Variants in TMEM182 observed in about 807,000 individuals in gnomAD.
TMEM182 encodes the protein transmembrane protein 182.
TMEM182 carries 20 observed loss-of-function variants against 26.8 expected under a neutral mutation model. The observed-to-expected ratio is 0.75, with a 90% CI of 0.53 to 1.09. The LOEUF is 1.09. Ranked by LOEUF, TMEM182 falls within the 50% of genes least tolerant of loss-of-function variation. TMEM182 has a pLI of 0.00. For synonymous variants in TMEM182, 109 were observed against 102.2 expected (o/e 1.07, Z -0.40); for missense variants, 277 against 275.5 (o/e 1.01, Z -0.04).
chr2:102,839,093 T>C (rs182622524), intron 3 of TMEM182, among the ~76,000 whole-genome samples: 61 of 152,328 alleles, frequency 4.0e-4, no homozygotes, highest in African/African-American at 1.4e-3. Flanking sequence ...TTGTTTGTCT[T>C]GCTGCCTTCT....
At chr2:102,836,845 A>G (rs1385081124) in intron 3 of TMEM182, among the ~76,000 whole-genome samples, 1 of 152,186 alleles carries the variant, frequency 6.6e-6, no homozygotes, top group Non-Finnish European at 1.5e-5. Flanking sequence ...CCATTAATAG[A>G]AAGCGTTCAG....
At chr2:102,757,822 G>A (rs544062460), upstream of TMEM182, among the ~76,000 whole-genome samples, 1 of 152,178 alleles carries the variant, frequency 6.6e-6, no homozygotes, top group Non-Finnish European at 1.5e-5. Context: ...GGAAGCCTCA[G>A]GAAACTTAGA....
intron 3 of TMEM182, among the ~76,000 whole-genome samples, chr2:102,796,626 T>C (rs2104725580): frequency 6.6e-6 from 1 of 152,350 alleles, no homozygotes; most frequent in Non-Finnish European, 1.5e-5. Context: ...CTGCTGAGCC[T>C]GAATACAACT....
At chr2:102,797,162 C>G (rs1366793112) in intron 3 of TMEM182, among the ~76,000 whole-genome samples, 1 of 152,166 alleles carries the variant, frequency 6.6e-6, no homozygotes, top group Non-Finnish European at 1.5e-5. Flanking sequence ...CTATAGACTC[C>G]TATACTTCTC....
In TMEM182 at chr2:102,739,892, TA is replaced by T. The variant is rs375545974; in HGVS notation, c.-83+2883del. ...ATGCTGCTCGCTGTGTCATGAGTGA[TA>T]AAATCCTTTGTCTCTGATCCAGTCG... is the stretch of plus-strand genomic sequence containing the variant. On this transcript the variant is annotated intron_variant, in intron 1 of 5. Coordinates refer to the TMEM182 transcript ENST00000409173. Among the ~76,000 whole-genome samples the T allele has an allele frequency of 3.5e-3, 526 of 152,300 alleles. 6 individuals carry two copies. The highest frequency in any genetic ancestry group is 0.012 in the African/African-American group (502 of 41,562).
chr2:102,789,960 C>G (rs1435430668), intron 3 of TMEM182, among the ~76,000 whole-genome samples: 1 of 152,138 alleles, frequency 6.6e-6, no homozygotes, highest in African/African-American at 2.4e-5. Context: ...TAGACAAACG[C>G]TGAGACCCAG....
intron 3 of TMEM182, among the ~76,000 whole-genome samples, chr2:102,834,242 A>T (rs1409673088): frequency 6.6e-6 from 1 of 152,210 alleles, no homozygotes; most frequent in Non-Finnish European, 1.5e-5. Flanking sequence ...CCTAACTCTA[A>T]GGCTGAAGGA....
chr2:102,770,395 T>G (rs1170947743), intron 3 of TMEM182, among the ~76,000 whole-genome samples: 2 of 152,164 alleles, frequency 1.3e-5, no homozygotes, highest in African/African-American at 4.8e-5. Context: ...CTATCCTAAA[T>G]CCACCTGACA....
chr2:102,738,323 G>C (rs145632120), intron 1 of TMEM182, among the ~76,000 whole-genome samples: 1 of 152,144 alleles, frequency 6.6e-6, no homozygotes, highest in Non-Finnish European at 1.5e-5. Context: ...GGCCAGGCGC[G>C]GTGGCTCACA....
intron 3 of TMEM182, among the ~76,000 whole-genome samples, chr2:102,764,713 C>T (rs964067791): frequency 9.2e-5 from 14 of 151,976 alleles, no homozygotes; most frequent in South Asian, 2.1e-4. Context: ...TAAGAAGAAC[C>T]GCTTCTTAAG....
intron 2 of TMEM182, 46 bp from the exon 3 acceptor site, chr2:102,764,283 C>T (rs765574682): frequency 6.3e-7 from 1 of 1,580,402 alleles, no homozygotes; most frequent in Non-Finnish European, 8.7e-7. Flanking sequence ...TGAGTCATGA[C>T]TGAGCTTTTC....
chr2:102,779,641 A>T (rs1681073934), intron 3 of TMEM182, among the ~76,000 whole-genome samples: 1 of 151,778 alleles, frequency 6.6e-6, no homozygotes, highest in Non-Finnish European at 1.5e-5. Context: ...CATTTTAGTA[A>T]TTATATCTTC....
intron 3 of TMEM182, among the ~76,000 whole-genome samples, chr2:102,842,342 A>G (rs553037289): frequency 5.1e-4 from 77 of 152,220 alleles, no homozygotes; most frequent in East Asian, 1.4e-3. Context: ...CTTCATCACT[A>G]TCTTCCGTAT....
chr2:102,774,942 ATTTG>A (rs1680847065), intron 3 of TMEM182, among the ~76,000 whole-genome samples: 1 of 152,144 alleles, frequency 6.6e-6, no homozygotes, highest in African/African-American at 2.4e-5. Context: ...AGTCTAGATT[ATTTG>A]TTTAAATATT....
At chr2:102,740,769 T>C (rs1679518699) in intron 1 of TMEM182, among the ~76,000 whole-genome samples, 1 of 152,164 alleles carries the variant, frequency 6.6e-6, no homozygotes, top group East Asian at 1.9e-4. Context: ...TACACAGATA[T>C]CCATACAAGC....
At chr2:102,798,064 A>C in intron 4 of TMEM182, 64 bp downstream of exon 4, 12 of 1,547,378 alleles carry the variant, frequency 7.8e-6, no homozygotes, top group Non-Finnish European at 1.0e-5. Context: ...TCTATTTTTC[A>C]TTTCTATATT....
Position 102,805,601 on chromosome 2 carries a change from G to A in TMEM182, c.469+7601G>A, listed in dbSNP as rs777985159. Among the ~76,000 whole-genome samples, 6 of 148,120 alleles carry A rather than the reference G, an allele frequency of 4.1e-5. No homozygotes were observed. In the South Asian group the frequency reaches 6.3e-4, roughly 16 times the overall value. ...ATAAATGCTTCCCCACACTCCTATC[G>A]TTCCCTCAAAAAAAAAAAAATGTGC... On this transcript the variant is annotated intron_variant, in intron 4 of 4. Coordinates refer to ENST00000412401, the MANE Select transcript of TMEM182 (RefSeq NM_144632.5).
intron 3 of TMEM182, among the ~76,000 whole-genome samples, chr2:102,834,170 A>G (rs1308354548): frequency 6.6e-6 from 1 of 152,200 alleles, no homozygotes; most frequent in Non-Finnish European, 1.5e-5. Context: ...AAAGGTATAT[A>G]GGTCTAAATA....
chr2:102,824,932 G>A (rs926939510), intron 3 of TMEM182, among the ~76,000 whole-genome samples: 8 of 152,222 alleles, frequency 5.3e-5, no homozygotes, highest in Non-Finnish European at 1.0e-4. Context: ...GCAGCATGAG[G>A]AACTGTGAGC....
Sources: gnomAD v4.1 joint callset for allele counts (sites outside exome capture counted in the v4.1 genomes callset) on GRCh38, gnomAD v4.1.1 for gene constraint, MANE v1.5 for transcripts, NCBI Gene and HGNC (gene_info 2026-07-23, HGNC 2026-07-21) for gene names.